Variants in SEMA3G observed in about 807,000 individuals in gnomAD.
The protein encoded by SEMA3G is semaphorin-3G.
In SEMA3G, 70 loss-of-function variants were observed where a neutral mutation model predicts 86.2. That is an observed-to-expected ratio of 0.81 (90% CI 0.67 to 0.99). The LOEUF (loss-of-function observed/expected upper bound fraction) is 0.99, where lower values mean the gene tolerates loss of function less well. Among genes scored for constraint, SEMA3G ranks in the 50% least tolerant of loss-of-function variants. The pLI, the probability that SEMA3G is intolerant of heterozygous loss-of-function variation, is 0.00. For missense variants in SEMA3G, 1,002 were observed against 1,072.4 expected, an observed-to-expected ratio of 0.93 and a Z score of 0.92; for synonymous variants, 416 against 441.4, an observed-to-expected ratio of 0.94 and a Z score of 0.72.
Position 52,436,066 on chromosome 3 carries a change from G to A in SEMA3G, c.1886C>T (p.Thr629Met), listed in dbSNP as rs772056522. The A allele has an allele frequency of 5.6e-6, 9 of 1,605,698 alleles. No homozygotes were observed. The highest frequency in any genetic ancestry group is 2.2e-5 in the South Asian group (2 of 90,650). ...CTCCGTGTGCAAGACTCGCTCGTCC[G>A]TCTTCACCTGCCATGCGGGCGGGAG... ...PGDEGPDQVKTDERVLHTERG... is the reference protein window; with the variant it reads ...PGDEGPDQVKMDERVLHTERG... Residue 629 changes from threonine to methionine, a missense_variant, in exon 16 of 16, where the codon ACG becomes ATG. Thr to Met is a moderately conservative substitution (Grantham distance 81). Transcript: ENST00000231721.
intron 13 of SEMA3G, chr3:52,438,677 C>A: frequency 1.0e-6 from 1 of 985,484 alleles, no homozygotes; most frequent in Non-Finnish European, 1.2e-6. Flanking sequence ...TGTTTTCAGG[C>A]ACACTTTTGC....
At position 52,435,538 on chromosome 3, in the gene SEMA3G, G is replaced by A. The variant is rs1706028579; in HGVS notation, c.*65C>T. 3.4e-6 allele frequency: 5 copies of A among 1,480,360 alleles called. No homozygotes were observed. The highest frequency in any genetic ancestry group is 3.7e-6 in the Non-Finnish European group (4 of 1,088,032). The allele number at this position is 1,480,360 out of a possible 1,614,324, so 91.7% of individuals were successfully genotyped here. The stretch of plus-strand genomic sequence containing the variant: ...ACCCCTCTGCCCTAGCTGGGTGGGT[G>A]GGAGATGCTGGGGGCTGCTAGTGGG... On this transcript the variant is annotated 3_prime_UTR_variant, in exon 16 of 16. Coordinates refer to ENST00000231721, the MANE Select transcript of SEMA3G (RefSeq NM_020163.3).
chr3:52,438,895 A>AG, intron 13 of SEMA3G, 25 bp downstream of exon 13: 1 of 1,612,584 alleles, frequency 6.2e-7, no homozygotes. Context: ...GGGGGGTCCA[A>AG]GAGGAGGGTG....
At chr3:52,437,836 G>GGA in intron 14 of SEMA3G, 135 bp downstream of exon 14, 1 of 1,099,180 alleles carries the variant, frequency 9.1e-7, no homozygotes, top group Non-Finnish European at 1.3e-6. Flanking sequence ...GCACTAGCAG[G>GGA]AGCTACACAG....
At position 52,440,083 on chromosome 3, in the gene SEMA3G, T is replaced by G; in HGVS notation, c.1159A>C (p.Thr387Pro). The change falls in exon 11 of 16, where the codon ACC (threonine) becomes CCC (proline). Residue 387 changes from threonine (T) to proline (P), a missense_variant. Transcript: ENST00000231721. ...PRPGVCPSKM[T>P]AQPGRPFGST... ...CCAAAAGGCCGTCCTGGCTGTGCGG[T>G]CATCTTGCTGGGGCACTGTGGGCAG... 3 of 1,584,258 alleles carry G rather than the reference T, an allele frequency of 1.9e-6. No individual in the cohort carries two copies. Among genetic ancestry groups the G allele is most frequent in the Non-Finnish European group, 2.6e-6 (3 of 1,160,488 alleles).
At position 52,435,748 on chromosome 3, in the gene SEMA3G, G is replaced by A. The variant is rs201777276; in HGVS notation, c.2204C>T (p.Thr735Met). Residue 735 changes from threonine (T) to methionine (M), a missense_variant, in exon 16 of 16, where the codon ACG (threonine) becomes ATG (methionine). Coordinates refer to ENST00000231721, the MANE Select transcript of SEMA3G (RefSeq NM_020163.3). Reference sequence around the variant, plus strand: ...GCTCCGGAAGCAGCCTGAGCATTCCGTGGTGCCCCTGCACCACACGCGCTC... The same window carrying A: ...GCTCCGGAAGCAGCCTGAGCATTCCATGGTGCCCCTGCACCACACGCGCTC... ...YCERVWCRGT[T>M]ECSGCFRSRS... 1.1e-5 allele frequency: 18 copies of A among 1,614,064 alleles called. No homozygotes were observed. The highest frequency in any genetic ancestry group is 2.2e-5 in the East Asian group (1 of 44,864).
Position 52,439,997 on chromosome 3 carries a change from G to A in SEMA3G, c.1245C>T (p.Phe415=), listed in dbSNP as rs758100893. The A allele has an allele frequency of 8.1e-6, 13 of 1,613,206 alleles. No homozygotes were observed. The highest frequency in any genetic ancestry group is 3.3e-5 in the South Asian group (3 of 91,066). Reference sequence around the variant, plus strand: ...GGCCATGTCGAGGCCGCACAGGCCAGAACATGAGGGGGTGGGCTCGGGCAA... The same window carrying A: ...GGCCATGTCGAGGCCGCACAGGCCAAAACATGAGGGGGTGGGCTCGGGCAA... ...LQFARAHPLM[F]WPVRPRHGRP... The change falls in exon 11 of 16, where the codon TTC becomes TTT. Residue 415 remains phenylalanine (F), a synonymous_variant. Transcript: ENST00000231721.
intron 15 of SEMA3G, 44 bp downstream of exon 15, chr3:52,437,483 C>T (rs763286222): frequency 1.3e-6 from 2 of 1,583,018 alleles, no homozygotes; most frequent in South Asian, 1.1e-5. Flanking sequence ...TGGGAGGTGA[C>T]CTCAGGACAC....
At chr3:52,439,036 T>A in intron 12 of SEMA3G, 75 bp from the exon 13 acceptor site, 1 of 1,526,682 alleles carries the variant, frequency 6.6e-7, no homozygotes, top group Non-Finnish European at 8.9e-7. Flanking sequence ...TTCAGTCTCC[T>A]CCAACCCTGG....
At position 52,435,572 on chromosome 3, in the gene SEMA3G, C is replaced by T. The variant is rs756742629; in HGVS notation, c.*31G>A. 4 of 1,583,368 alleles carry T rather than the reference C, an allele frequency of 2.5e-6. No individual in the cohort carries two copies. The East Asian group carries it at 9.0e-5, about 36-fold the overall frequency. ...TGGGGGCTGCTAGTGGGCCCCCCAG[C>T]CCATCCTGACCACCCCTCCTCTGCC... On this transcript the variant is annotated 3_prime_UTR_variant, in exon 16 of 16. Transcript: ENST00000231721.
In SEMA3G at chr3:52,437,628, C is replaced by CG. The variant is rs1441614897; in HGVS notation, c.1776dup (p.Gly593ArgfsTer6). On this transcript the variant is annotated frameshift_variant, in exon 15 of 16. Coordinates refer to ENST00000231721, the MANE Select transcript of SEMA3G (RefSeq NM_020163.3). LOFTEE classifies it high-confidence loss of function. ...AGGAAGGTGCTATTGTGCTCCGTGC[C>CG]GTAGACCATGGTGGCTGCCACAAGT... is the stretch of plus-strand genomic sequence containing the variant. 6.2e-7 allele frequency: 1 copy of CG among 1,612,708 alleles called. No individual in the cohort carries two copies. The highest frequency in any genetic ancestry group is 1.3e-5 in the African/African-American group (1 of 74,890).
rs1420434233 is a variant in SEMA3G at position 52,437,382 on chromosome 3, C to T, written c.1878+145G>A. 4.7e-6 allele frequency: 4 copies of T among 851,568 alleles called. No individual in the cohort carries two copies. The African/African-American group carries it at 5.1e-5, about 11-fold the overall frequency. The allele number at this position is 851,568 out of a possible 1,614,324, so 52.8% of individuals were successfully genotyped here. On this transcript the variant is annotated intron_variant, in intron 15 of 15. Coordinates refer to ENST00000231721, the MANE Select transcript of SEMA3G (RefSeq NM_020163.3). ...AAAATAGGGCACCTCCTTCTAGGCACCCCAGGAGCCTAATACAAACTTTTT... is the reference window on the plus strand; with the variant it reads ...AAAATAGGGCACCTCCTTCTAGGCATCCCAGGAGCCTAATACAAACTTTTT...
chr3:52,441,865 C>T lies in SEMA3G; in HGVS notation c.504G>A (p.Gly168=), dbSNP rs1386980865. 4.4e-6 allele frequency: 7 copies of T among 1,592,244 alleles called. No individual in the cohort carries two copies. Among genetic ancestry groups the T allele is most frequent in the Non-Finnish European group, 6.0e-6 (7 of 1,169,262 alleles). ...LEPGSVESGR[G]RCPHEPSRPF... ...GACGGCTGGGCTCGTGAGGGCACCGCCCCCGGCCACTTTCCACACTGCCAG... is the reference window on the plus strand; with the variant it reads ...GACGGCTGGGCTCGTGAGGGCACCGTCCCCGGCCACTTTCCACACTGCCAG... Residue 168 remains glycine (G), a synonymous_variant, in exon 5 of 16, where the codon GGG becomes GGA. Transcript: ENST00000231721.
In SEMA3G at chr3:52,442,257, G is replaced by C. The variant is rs750086114; in HGVS notation, c.387C>G (p.Thr129=). The C allele has an allele frequency of 6.2e-7, 1 of 1,613,980 alleles. No individual in the cohort carries two copies. Among genetic ancestry groups the C allele is most frequent in the Non-Finnish European group, 8.5e-7 (1 of 1,179,948 alleles). ...FVRVLQPHNR[T]HLLACGTGAF... ...CCCCAGTGCCACAGGCTAGCAGGTG[G>C]GTCCGGTTGTGAGGCTGTAGCACCC... The change falls in exon 4 of 16, where the codon ACC becomes ACG. Residue 129 remains threonine (T), a synonymous_variant. Coordinates refer to ENST00000231721, the MANE Select transcript of SEMA3G (RefSeq NM_020163.3). This position sits in a 1 kb window ranked among gnomAD's most constrained non-coding sequence, Gnocchi z 6.1.
intron 1 of SEMA3G, chr3:52,443,130 C>T: frequency 8.7e-7 from 1 of 1,155,708 alleles, no homozygotes; most frequent in Non-Finnish European, 1.2e-6. Flanking sequence ...ACCCTGGGGC[C>T]TACCTCCCAC....
Position 52,442,764 on chromosome 3 carries a change from A to G in SEMA3G, c.259T>C (p.Trp87Arg), listed in dbSNP as rs751464392. Residue 87 changes from tryptophan to arginine, a missense_variant, in exon 2 of 16, where the codon TGG (tryptophan) becomes CGG (arginine). Trp to Arg is a moderately radical substitution (Grantham distance 101, BLOSUM62 -3). Coordinates refer to ENST00000231721, the MANE Select transcript of SEMA3G (RefSeq NM_020163.3). The surrounding 1 kb of genome is among the most constrained non-coding windows in gnomAD (Gnocchi z 6.1). ...ALYSLRLDQAWPDPREVLWPP... is the reference protein window; with the variant it reads ...ALYSLRLDQARPDPREVLWPP... The stretch of plus-strand genomic sequence containing the variant: ...CAGCTCACCTCCCGGGGATCTGGCC[A>G]TGCCTGGTCCAGCCGCAGAGAGTAG... 2 of 1,613,944 alleles carry G rather than the reference A, an allele frequency of 1.2e-6. No individual in the cohort carries two copies. Among genetic ancestry groups the G allele is most frequent in the Non-Finnish European group, 1.7e-6 (2 of 1,179,952 alleles).
At chr3:52,443,545 C>T (rs376435633) in intron 1 of SEMA3G, among the ~76,000 whole-genome samples, 1 of 152,100 alleles carries the variant, frequency 6.6e-6, no homozygotes, top group African/African-American at 2.4e-5. Context: ...CCGGGCTTGG[C>T]TAGGGAGGTG....
intron 14 of SEMA3G, 77 bp downstream of exon 14, chr3:52,437,894 G>T: frequency 1.5e-6 from 2 of 1,324,388 alleles, no homozygotes; most frequent in Non-Finnish European, 2.1e-6. Flanking sequence ...ATCTGAGAAT[G>T]CACTTCGCAG....
chr3:52,435,999 G>A lies in SEMA3G; in HGVS notation c.1953C>T (p.Gly651=), dbSNP rs775064868. The A allele has an allele frequency of 6.2e-7, 1 of 1,613,824 alleles. No individual in the cohort carries two copies. Among genetic ancestry groups the A allele is most frequent in the South Asian group, 1.1e-5 (1 of 91,090 alleles). The change falls in exon 16 of 16, where the codon GGC becomes GGT. Residue 651 remains glycine, a synonymous_variant. Coordinates refer to ENST00000231721, the MANE Select transcript of SEMA3G (RefSeq NM_020163.3). ...GCTCCAGAGTGGTGCAGGTGTAGGT[G>A]CCCGCATCGAAACGGCTAAGCCTGC... ...LFRRLSRFDA[G]TYTCTTLEHG...
Sources: allele counts gnomAD v4.1 joint callset (sites outside exome capture counted in the v4.1 genomes callset), GRCh38; gene constraint gnomAD v4.1.1; non-coding constraint Gnocchi (gnomAD v3.1); transcripts MANE v1.5; gene names NCBI Gene and HGNC (gene_info 2026-07-23, HGNC 2026-07-21).